The following DPP6 variants were observed in gnomAD, a reference collection of about 807,000 sequenced individuals.
The protein encoded by DPP6 is dipeptidyl peptidase like 6.
Under a neutral mutation model 122.6 loss-of-function variants are expected in DPP6, and 69 were observed. That is an observed-to-expected ratio of 0.56 (90% CI 0.46 to 0.69). The LOEUF (loss-of-function observed/expected upper bound fraction) is 0.69. DPP6 is among the 30% of genes least tolerant of loss of function. The probability of loss-of-function intolerance (pLI) is 0.00; values close to 1 mark genes in which losing one functional copy is unlikely to be tolerated. For missense variants in DPP6, 928 were observed against 1,116.9 expected (o/e 0.83, Z 2.41); for synonymous variants, 418 against 433.1 (o/e 0.97, Z 0.43).
chr7:154,591,854 A>G (rs989947099), intron 5 of DPP6, among the ~76,000 whole-genome samples: 3 of 152,240 alleles, frequency 2.0e-5, no homozygotes, highest in African/African-American at 7.2e-5. Context: ...GGTTCAAGGA[A>G]TGCTAGACTG....
intron 5 of DPP6, among the ~76,000 whole-genome samples, chr7:154,610,601 G>C (rs997890787): frequency 6.6e-6 from 1 of 152,076 alleles, no homozygotes; most frequent in Non-Finnish European, 1.5e-5. Context: ...TTCTGTCTTT[G>C]ATAGTGAGGT....
chr7:153,756,041 C>G, the DPP6 span, among the ~76,000 whole-genome samples: 8 of 152,138 alleles, frequency 5.3e-5, no homozygotes, highest in African/African-American at 1.9e-4. Context: ...ATGAGTATAT[C>G]ACAGAACCAG....
chr7:153,899,197 C>T (rs962488272), intron 1 of DPP6, among the ~76,000 whole-genome samples: 5 of 150,018 alleles, frequency 3.3e-5, no homozygotes, highest in African/African-American at 1.2e-4. Context: ...CTTCCTTCTC[C>T]TCCTCCTCCT....
intron 1 of DPP6, among the ~76,000 whole-genome samples, chr7:154,392,395 T>C (rs2151167488): frequency 6.6e-6 from 1 of 152,352 alleles, no homozygotes; most frequent in East Asian, 1.9e-4. Flanking sequence ...TTTTCTTTTC[T>C]TTTTAAACCC....
At chr7:154,185,687 C>A (rs190257058) in intron 1 of DPP6, among the ~76,000 whole-genome samples, 4 of 152,104 alleles carry the variant, frequency 2.6e-5, no homozygotes, top group African/African-American at 9.7e-5. Flanking sequence ...GACAATAGAT[C>A]GACAGCTTTT....
chr7:154,066,001 T>G (rs958582520), intron 1 of DPP6, among the ~76,000 whole-genome samples: 3 of 151,874 alleles, frequency 2.0e-5, no homozygotes, highest in Non-Finnish European at 4.4e-5. Flanking sequence ...CCTTCATACT[T>G]CTGTGACTAC....
At chr7:154,057,973 C>T (rs1278562266) in intron 1 of DPP6, 2 of 150,786 alleles carry the variant, frequency 1.3e-5, no homozygotes, top group Non-Finnish European at 2.9e-5. Context: ...GTACAAGAAG[C>T]AAATAAGCTG....
intron 4 of DPP6, among the ~76,000 whole-genome samples, chr7:154,542,300 C>T (rs1169327815): frequency 5.9e-5 from 9 of 152,142 alleles, no homozygotes; most frequent in Non-Finnish European, 1.0e-4. Flanking sequence ...TCTGATTCAA[C>T]TCACTTAGAA....
At chr7:154,017,636 G>T (rs543158008) in intron 1 of DPP6, among the ~76,000 whole-genome samples, 115 of 150,802 alleles carry the variant, frequency 7.6e-4, no homozygotes, top group African/African-American at 2.3e-3. Flanking sequence ...GAATTTTAAG[G>T]TTGCAGTGAG....
At chr7:153,824,097 T>C in the DPP6 span, among the ~76,000 whole-genome samples, 2 of 152,112 alleles carry the variant, frequency 1.3e-5, no homozygotes, top group East Asian at 1.9e-4. Context: ...ACATCAGAAA[T>C]AGGTATTGGG....
At position 153,914,535 on chromosome 7, in the gene DPP6, T is replaced by C. The variant is rs1251069309; in HGVS notation, c.51+26801T>C. ...TTGAGGGAATAGCTTTATTGAGTTA[T>C]TGTTTGCATAGCATATTTAAGAGTA... On this transcript the variant is annotated intron_variant, in intron 1 of 25. Transcript: ENST00000404039. Among the ~76,000 whole-genome samples the C allele has an allele frequency of 6.6e-5, 10 of 151,940 alleles. No individual in the cohort carries two copies. The East Asian group carries it at 1.9e-3, about 29-fold the overall frequency.
intron 3 of DPP6, among the ~76,000 whole-genome samples, chr7:154,523,580 C>T (rs150793857): frequency 6.6e-6 from 1 of 152,146 alleles, no homozygotes; most frequent in African/African-American, 2.4e-5. Flanking sequence ...CTTTTGTTTT[C>T]TTTAAGCCTG....
At chr7:153,845,733 C>T in the DPP6 span, among the ~76,000 whole-genome samples, 3 of 151,970 alleles carry the variant, frequency 2.0e-5, no homozygotes, top group Non-Finnish European at 4.4e-5. Flanking sequence ...TATTTCTGTT[C>T]TCTTGTGGTT....
rs910428626 is a variant in DPP6, at chr7:154,833,171, G to A, written c.1667-20609G>A. On this transcript the variant is annotated intron_variant, in intron 16 of 25. Coordinates refer to ENST00000377770, the MANE Select transcript of DPP6 (RefSeq NM_130797.4). The surrounding 1 kb of genome is among the most constrained non-coding windows in gnomAD (Gnocchi z 4.3). ...TCACTCACGCCATGCAAGCAGCCTG[G>A]GCTCCGATGCACACAGGAGCAGTGC... 2.1e-5 allele frequency among the ~76,000 whole-genome samples: 3 copies of A among 141,596 alleles called. No individual in the cohort carries two copies. Among genetic ancestry groups the A allele is most frequent in the African/African-American group, 9.3e-5 (3 of 32,134 alleles). The allele number at this position is 141,596 out of a possible 152,430, so 92.9% of individuals were successfully genotyped here. A position where few individuals can be genotyped will look rare whatever the true frequency, so the allele number is the denominator to read the frequency against.
intron 1 of DPP6, among the ~76,000 whole-genome samples, chr7:154,208,672 T>TA (rs1799581513): frequency 6.6e-6 from 1 of 152,144 alleles, no homozygotes; most frequent in African/African-American, 2.4e-5. Context: ...AAAGCTATTG[T>TA]AAAAGGATCA....
At chr7:154,630,967 A>C (rs1187291336) in intron 5 of DPP6, among the ~76,000 whole-genome samples, 8 of 152,178 alleles carry the variant, frequency 5.3e-5, no homozygotes, top group Admixed American at 3.9e-4. Flanking sequence ...TAAAATAATA[A>C]AAAATTTCAC....
intron 3 of DPP6, among the ~76,000 whole-genome samples, chr7:154,538,205 T>A (rs540715760): frequency 6.6e-6 from 1 of 152,338 alleles, no homozygotes; most frequent in Admixed American, 6.5e-5. Flanking sequence ...TTTATGTACC[T>A]CAAATGTAGT....
At chr7:154,532,530 A>G (rs531559990) in intron 3 of DPP6, among the ~76,000 whole-genome samples, 2 of 152,230 alleles carry the variant, frequency 1.3e-5, no homozygotes, top group Admixed American at 6.5e-5. Flanking sequence ...AATAATACAC[A>G]TGATAATGCC....
At chr7:154,178,103 G>A (rs775456671) in intron 1 of DPP6, among the ~76,000 whole-genome samples, 3 of 152,216 alleles carry the variant, frequency 2.0e-5, no homozygotes, top group African/African-American at 7.2e-5. Context: ...CAGATCAGGG[G>A]AGTCGGTTGT....
Sources: gnomAD v4.1 joint callset for allele counts (sites outside exome capture counted in the v4.1 genomes callset) on GRCh38, gnomAD v4.1.1 for gene constraint, Gnocchi (gnomAD v3.1) non-coding constraint, MANE v1.5 for transcripts, NCBI Gene and HGNC (gene_info 2026-07-23, HGNC 2026-07-21) for gene names.